Variants in DDC observed in about 807,000 individuals in gnomAD.
The protein encoded by DDC is aromatic-L-amino-acid decarboxylase.
Under a neutral mutation model 60.0 loss-of-function variants are expected in DDC, and 43 were observed. That is an observed-to-expected ratio of 0.72 (90% CI 0.56 to 0.92). The LOEUF is 0.92. Among genes scored for constraint, DDC ranks in the 40% least tolerant of loss-of-function variants. The pLI is 0.00. For missense variants in DDC, 573 were observed against 620.2 expected (o/e 0.92, Z 0.81); for synonymous variants, 232 against 234.6 (o/e 0.99, Z 0.10).
chr7:50,466,796 G>A (rs2042409089), intron 13 of DDC, among the ~76,000 whole-genome samples: 1 of 152,198 alleles, frequency 6.6e-6, no homozygotes, highest in African/African-American at 2.4e-5. Context: ...TCTAGGGTGG[G>A]GCCCAAGACT....
intron 12 of DDC, among the ~76,000 whole-genome samples, chr7:50,467,799 C>G (rs11575521): frequency 2.6e-5 from 4 of 152,124 alleles, no homozygotes; most frequent in African/African-American, 4.8e-5. Context: ...GCCCAAGGTG[C>G]ACCCGGAGGC....
At chr7:50,551,168 A>G (rs748764373) in intron 1 of DDC, among the ~76,000 whole-genome samples, 2 of 152,050 alleles carry the variant, frequency 1.3e-5, no homozygotes, top group Admixed American at 1.3e-4. Context: ...TCATTTTACC[A>G]TACAATCACT....
At chr7:50,477,685 C>T (rs995785420) in intron 10 of DDC, 4 of 347,748 alleles carry the variant, frequency 1.2e-5, no homozygotes, top group Non-Finnish European at 1.1e-5. Flanking sequence ...GATGCAAGAC[C>T]TCCACCCCCT....
chr7:50,494,378 C>T (rs2043076414), intron 9 of DDC, among the ~76,000 whole-genome samples: 1 of 151,978 alleles, frequency 6.6e-6, no homozygotes, highest in African/African-American at 2.4e-5. Context: ...GTGGTAGGCG[C>T]CTGTTGTCCC....
At chr7:50,508,288 C>T (rs146955614) in intron 6 of DDC, among the ~76,000 whole-genome samples, 55 of 152,336 alleles carry the variant, frequency 3.6e-4, no homozygotes, top group African/African-American at 1.2e-3. Context: ...TGCTCAATGA[C>T]GCTAACCTGA....
chr7:50,461,477 T>A (rs1405505880), intron 14 of DDC, among the ~76,000 whole-genome samples: 1 of 152,248 alleles, frequency 6.6e-6, no homozygotes, highest in Non-Finnish European at 1.5e-5. Flanking sequence ...ACCTTTTGAA[T>A]CTACAGCAAA....
chr7:50,468,473 G>A (rs546559775), intron 12 of DDC, among the ~76,000 whole-genome samples: 1 of 152,240 alleles, frequency 6.6e-6, no homozygotes, highest in South Asian at 2.1e-4. Flanking sequence ...GGGTAGAGGG[G>A]GATTTCCTAC....
intron 6 of DDC, among the ~76,000 whole-genome samples, chr7:50,510,265 G>A (rs773885748): frequency 1.2e-4 from 18 of 151,658 alleles, no homozygotes; most frequent in Middle Eastern, 6.8e-3. Context: ...GTGAGCCACC[G>A]CACCTGGCCA....
chr7:50,460,470 T>G (rs1181474105), intron 14 of DDC, among the ~76,000 whole-genome samples: 6 of 150,600 alleles, frequency 4.0e-5, no homozygotes, highest in Non-Finnish European at 7.4e-5. Context: ...GTCCAGGAGG[T>G]GAGGGGCGCC....
chr7:50,522,697 CA>C (rs1473781125), intron 6 of DDC, among the ~76,000 whole-genome samples: 5 of 152,192 alleles, frequency 3.3e-5, no homozygotes, highest in Non-Finnish European at 7.3e-5. Flanking sequence ...TGAACATCTG[CA>C]TTAGTCCATT....
At chr7:50,498,992 T>C (rs1012822088) in intron 8 of DDC, among the ~76,000 whole-genome samples, 156 bp downstream of exon 8, 5 of 152,234 alleles carry the variant, frequency 3.3e-5, no homozygotes, top group Non-Finnish European at 7.3e-5. Context: ...GGGAAGGCTC[T>C]CAGCCCCTAT....
chr7:50,504,078 A>T lies in DDC; in HGVS notation c.715-19T>A. 6.3e-7 allele frequency: 1 copy of T among 1,594,506 alleles called. No individual in the cohort carries two copies. The highest frequency in any genetic ancestry group is 8.6e-7 in the Non-Finnish European group (1 of 1,162,098). ...CAACCATCTAGAGGGTAAAAAGCAGACAGCCTTTTATTCCCCAGGTGCCAG... is the reference window on the plus strand; with the variant it reads ...CAACCATCTAGAGGGTAAAAAGCAGTCAGCCTTTTATTCCCCAGGTGCCAG... On this transcript the variant is annotated intron_variant, in intron 6 of 14. Transcript: ENST00000444124.
rs550636831 is a variant in DDC at position 50,477,771 on chromosome 7, C to T, written c.1022-1128G>A. Among the ~76,000 whole-genome samples, 7 of 152,292 alleles carry T rather than the reference C, an allele frequency of 4.6e-5. No homozygotes were observed. In the South Asian group the frequency reaches 8.3e-4, roughly 18 times the overall value. On this transcript the variant is annotated intron_variant, in intron 10 of 14. Transcript: ENST00000444124. ...AACCCATACACAGTACTCTCCTTTACGACACATGGCCTCTCATTAGTAAGG... is the reference window on the plus strand; with the variant it reads ...AACCCATACACAGTACTCTCCTTTATGACACATGGCCTCTCATTAGTAAGG...
intron 8 of DDC, among the ~76,000 whole-genome samples, chr7:50,495,712 A>T (rs758172065): frequency 6.6e-6 from 1 of 152,252 alleles, no homozygotes; most frequent in Non-Finnish European, 1.5e-5. Context: ...ATGGAACAAG[A>T]ATTTTAAAAT....
intron 6 of DDC, among the ~76,000 whole-genome samples, chr7:50,509,926 T>A (rs1585205372): frequency 6.6e-6 from 1 of 152,236 alleles, no homozygotes; most frequent in African/African-American, 2.4e-5. Flanking sequence ...GAAATTCTGA[T>A]AAGTAAATTT....
intron 10 of DDC, among the ~76,000 whole-genome samples, chr7:50,476,927 G>A (rs983461803): frequency 2.6e-5 from 4 of 152,196 alleles, no homozygotes; most frequent in African/African-American, 2.4e-5. Context: ...AACATCTGAG[G>A]TTTCATCTAG....
chr7:50,471,533 C>T (rs534999948), intron 11 of DDC, among the ~76,000 whole-genome samples: 2 of 152,266 alleles, frequency 1.3e-5, no homozygotes, highest in East Asian at 3.9e-4. Context: ...CTGACTCAGG[C>T]ATTCAGTGTG....
intron 4 of DDC, among the ~76,000 whole-genome samples, chr7:50,534,822 TC>T (rs1435977395): frequency 6.6e-6 from 1 of 152,172 alleles, no homozygotes; most frequent in African/African-American, 2.4e-5. Context: ...CTGCCCTCTG[TC>T]CCCTGGAGAA....
intron 1 of DDC, among the ~76,000 whole-genome samples, chr7:50,546,801 C>T (rs1563047025): frequency 6.6e-6 from 1 of 152,190 alleles, no homozygotes. Context: ...GTGATTGAGA[C>T]GTAAGATTAG....
Sources: gnomAD v4.1 joint callset for allele counts (sites outside exome capture counted in the v4.1 genomes callset) on GRCh38, gnomAD v4.1.1 for gene constraint, MANE v1.5 for transcripts, NCBI Gene and HGNC (gene_info 2026-07-23, HGNC 2026-07-21) for gene names.